The following PRKAR2B variants were observed in gnomAD, a reference collection of about 807,000 sequenced individuals.
PRKAR2B encodes cAMP-dependent protein kinase type II-beta regulatory subunit.
PRKAR2B carries 14 observed loss-of-function variants against 49.9 expected under a neutral mutation model. The ratio of observed to expected loss-of-function variants is 0.28; its 90% confidence interval spans 0.19 to 0.44. PRKAR2B has a LOEUF of 0.44. Among genes scored for constraint, PRKAR2B ranks in the 20% least tolerant of loss-of-function variants. The probability of loss-of-function intolerance (pLI) is 1.00; values close to 1 mark genes in which losing one functional copy is unlikely to be tolerated. For missense variants in PRKAR2B, 393 were observed against 537.9 expected (o/e 0.73, Z 2.67); for synonymous variants, 196 against 197.7 (o/e 0.99, Z 0.07).
At chr7:107,093,108 T>C (rs1794762506) in intron 2 of PRKAR2B, among the ~76,000 whole-genome samples, 1 of 152,236 alleles carries the variant, frequency 6.6e-6, no homozygotes, top group Non-Finnish European at 1.5e-5. Flanking sequence ...CACATTTGTT[T>C]ATTCATTCAT....
At chr7:107,054,344 A>G (rs1332868094) in intron 1 of PRKAR2B, among the ~76,000 whole-genome samples, 1 of 152,134 alleles carries the variant, frequency 6.6e-6, no homozygotes, top group East Asian at 1.9e-4. Flanking sequence ...TCCATCTCAA[A>G]ACAAAACAAA....
intron 1 of PRKAR2B, among the ~76,000 whole-genome samples, chr7:107,056,619 C>T (rs537691000): frequency 6.6e-6 from 1 of 152,184 alleles, no homozygotes; most frequent in South Asian, 2.1e-4. Context: ...CTGTGTTTGT[C>T]TGTTATTGGT....
chr7:107,096,486 G>C (rs1441943770), intron 2 of PRKAR2B, among the ~76,000 whole-genome samples: 1 of 150,150 alleles, frequency 6.7e-6, no homozygotes, highest in African/African-American at 2.5e-5. Context: ...TTTTTTTGAA[G>C]GGTTTTTTTG....
chr7:107,107,188 T>C (rs1795087480), intron 2 of PRKAR2B, among the ~76,000 whole-genome samples: 2 of 152,032 alleles, frequency 1.3e-5, no homozygotes, highest in African/African-American at 2.4e-5. Context: ...CATACAAAAA[T>C]TAGCCAGGCA....
At chr7:107,093,512 C>CTT (rs58693908) in intron 2 of PRKAR2B, among the ~76,000 whole-genome samples, 27 of 146,336 alleles carry the variant, frequency 1.8e-4, no homozygotes, top group Middle Eastern at 3.4e-3. Context: ...ACTTTTTTTT[C>CTT]TTTTTTTTTT....
intron 1 of PRKAR2B, among the ~76,000 whole-genome samples, chr7:107,066,168 A>G (rs1794137571): frequency 6.6e-6 from 1 of 152,108 alleles, no homozygotes; most frequent in African/African-American, 2.4e-5. Flanking sequence ...ATTCACTAAG[A>G]TCTTAGGTTA....
chr7:107,085,691 T>C (rs1159516733), intron 2 of PRKAR2B, among the ~76,000 whole-genome samples: 2 of 152,198 alleles, frequency 1.3e-5, no homozygotes, highest in Non-Finnish European at 2.9e-5. Context: ...ACATTGTCTT[T>C]TTCACTTAAT....
chr7:107,121,872 C>T (rs975551196), intron 2 of PRKAR2B, 80 bp from the exon 3 acceptor site: 6 of 766,784 alleles, frequency 7.8e-6, no homozygotes, highest in Non-Finnish European at 1.2e-5. Flanking sequence ...TCTTTTTGTT[C>T]ATTAAGTGTT....
intron 2 of PRKAR2B, among the ~76,000 whole-genome samples, chr7:107,100,961 A>G (rs1794950495): frequency 1.3e-5 from 2 of 151,986 alleles, no homozygotes; most frequent in South Asian, 4.1e-4. Flanking sequence ...ATCTTTGCTA[A>G]GTCTAACAAC....
rs1795890518 is a variant in PRKAR2B, at chr7:107,146,256, A to G, written c.588-52A>G. On this transcript the variant is annotated intron_variant, in intron 5 of 10. Transcript: ENST00000265717. ...GGGCTCTTTTCTGAAATAATGTTTT[A>G]TTTTAATGATATTTTATTTGAATTA... is the stretch of plus-strand genomic sequence containing the variant. The G allele has an allele frequency of 1.3e-5, 20 of 1,550,214 alleles. 1 individual carries two copies. In the South Asian group the frequency reaches 2.4e-4, roughly 18 times the overall value.
chr7:107,157,834 T>C (rs997917488), intron 10 of PRKAR2B, among the ~76,000 whole-genome samples: 7 of 152,214 alleles, frequency 4.6e-5, no homozygotes. Flanking sequence ...AAATGTCATC[T>C]TCAGGTGCAG....
intron 2 of PRKAR2B, among the ~76,000 whole-genome samples, chr7:107,089,531 A>G (rs1794681242): frequency 6.6e-6 from 1 of 152,240 alleles, no homozygotes; most frequent in Admixed American, 6.5e-5. Context: ...CAGTTTTGCT[A>G]AAGCCAGAGG....
chr7:107,092,444 A>G (rs182757954), intron 2 of PRKAR2B, among the ~76,000 whole-genome samples: 23 of 152,062 alleles, frequency 1.5e-4, no homozygotes, highest in Admixed American at 1.5e-3. Flanking sequence ...CTTTCAGGGG[A>G]TAGCGGTGTT....
intron 2 of PRKAR2B, among the ~76,000 whole-genome samples, chr7:107,115,551 T>G (rs1031858800): frequency 1.3e-5 from 2 of 152,214 alleles, no homozygotes; most frequent in Non-Finnish European, 2.9e-5. Context: ...TCAGAGTTTA[T>G]GAGACAGCCT....
chr7:107,053,905 A>G (rs1237771048), intron 1 of PRKAR2B, among the ~76,000 whole-genome samples: 2 of 152,236 alleles, frequency 1.3e-5, no homozygotes, highest in African/African-American at 4.8e-5. Flanking sequence ...AGAGTATTTC[A>G]GGTTATTTTG....
chr7:107,136,700 A>G (rs1294730725), intron 4 of PRKAR2B, among the ~76,000 whole-genome samples: 1 of 152,210 alleles, frequency 6.6e-6, no homozygotes, highest in East Asian at 1.9e-4. Context: ...CTCATTGCTG[A>G]TGAGAATGCA....
intron 2 of PRKAR2B, among the ~76,000 whole-genome samples, chr7:107,085,347 A>G (rs564525475): frequency 6.6e-6 from 1 of 152,314 alleles, no homozygotes; most frequent in African/African-American, 2.4e-5. Flanking sequence ...GGCCTTTTTA[A>G]TGATGAGGTC....
chr7:107,104,767 A>G (rs1477400621), intron 2 of PRKAR2B, among the ~76,000 whole-genome samples: 1 of 152,214 alleles, frequency 6.6e-6, no homozygotes, highest in Non-Finnish European at 1.5e-5. Context: ...TACTGGAAAT[A>G]TAGTGGGAGT....
At chr7:107,094,228 ATTGTGG>A (rs1794792383) in intron 2 of PRKAR2B, among the ~76,000 whole-genome samples, 1 of 152,046 alleles carries the variant, frequency 6.6e-6, no homozygotes, top group Non-Finnish European at 1.5e-5. Flanking sequence ...ATGGTATCTC[ATTGTGG>A]TTTTGATTTG....
Sources: gnomAD v4.1 joint callset for allele counts (sites outside exome capture counted in the v4.1 genomes callset) on GRCh38, gnomAD v4.1.1 for gene constraint, MANE v1.5 for transcripts, NCBI Gene and HGNC (gene_info 2026-07-23, HGNC 2026-07-21) for gene names.